Variants in WWOX observed in about 807,000 individuals in gnomAD.
WWOX encodes the protein WW domain containing oxidoreductase, also known as WW domain-containing oxidoreductase.
A neutral mutation model predicts 46.2 loss-of-function variants in WWOX; 69 were observed. That is an observed-to-expected ratio of 1.49 (90% CI 1.23 to 1.82). WWOX has a LOEUF of 1.82. Ranked by LOEUF, WWOX falls within the 40% of genes most tolerant of loss-of-function variation. WWOX has a pLI of 0.00. For synonymous variants in WWOX, 359 were observed against 202.6 expected (o/e 1.77, Z -6.56); for missense variants, 919 against 542.6 (o/e 1.69, Z -6.89).
chr16:78,664,058 A>G (rs541923223), intron 8 of WWOX, among the ~76,000 whole-genome samples: 81 of 152,292 alleles, frequency 5.3e-4, no homozygotes, highest in Non-Finnish European at 1.0e-3. Flanking sequence ...GTTTTAAAAG[A>G]CGCCATGGTT....
chr16:78,963,868 A>C (rs2046317561), intron 8 of WWOX, among the ~76,000 whole-genome samples: 1 of 152,160 alleles, frequency 6.6e-6, no homozygotes. Context: ...GGACCCAGGG[A>C]GAGGTAATTG....
chr16:78,260,748 G>A (rs964308642), intron 5 of WWOX, among the ~76,000 whole-genome samples: 1 of 150,234 alleles, frequency 6.7e-6, no homozygotes, highest in Non-Finnish European at 1.5e-5. Context: ...AACCTAGCCT[G>A]GGCAACATGG....
At chr16:79,064,661 T>G (rs1005534052) in intron 8 of WWOX, among the ~76,000 whole-genome samples, 3 of 152,186 alleles carry the variant, frequency 2.0e-5, no homozygotes, top group African/African-American at 4.8e-5. Context: ...CTCTTCGTGT[T>G]CCTGCAAGGA....
At chr16:78,273,220 A>G (rs28583037) in intron 5 of WWOX, among the ~76,000 whole-genome samples, 53,806 of 151,964 alleles carry the variant, frequency 0.35, 9,733 homozygotes, top group East Asian at 0.46. Context: ...ACCTTTAATG[A>G]TATCCTATGC....
chr16:78,886,261 G>T (rs1597106428), intron 8 of WWOX, among the ~76,000 whole-genome samples: 3 of 144,892 alleles, frequency 2.1e-5, no homozygotes, highest in Non-Finnish European at 3.0e-5. Flanking sequence ...CATACCCATT[G>T]TACACATTTG....
At chr16:78,833,144 C>T (rs935685968) in intron 8 of WWOX, among the ~76,000 whole-genome samples, 5 of 151,846 alleles carry the variant, frequency 3.3e-5, no homozygotes, top group Admixed American at 6.6e-5. Flanking sequence ...TAGGCTCAAG[C>T]GATCCTCCAG....
rs183624335 is a variant in WWOX at position 79,072,007 on chromosome 16, C to T, written c.1057-139601C>T. 2.1e-4 allele frequency among the ~76,000 whole-genome samples: 32 copies of T among 152,244 alleles called. No individual in the cohort carries two copies. The East Asian group carries it at 3.5e-3, about 17-fold the overall frequency. On this transcript the variant is annotated intron_variant, in intron 8 of 8. Transcript: ENST00000566780. ...TAGCTTAAAAATGCTTATACGCCGG[C>T]CATGGTGGCTCATGCCTGTAATCCT...
At position 78,678,575 on chromosome 16, in the gene WWOX, T is replaced by C. The variant is rs543933010; in HGVS notation, c.1056+245823T>C. Among the ~76,000 whole-genome samples, 19 of 152,276 alleles carry C rather than the reference T, an allele frequency of 1.2e-4. No homozygotes were observed. The South Asian group carries it at 3.7e-3, about 30-fold the overall frequency. ...AAGCTGAGTCCATGCCAAGATGTGA[T>C]AATTGTATAAAGAACTACAATAGGC... On this transcript the variant is annotated intron_variant, in intron 8 of 8. Transcript: ENST00000566780.
chr16:78,788,597 C>A (rs987484768), intron 8 of WWOX, among the ~76,000 whole-genome samples: 1 of 152,184 alleles, frequency 6.6e-6, no homozygotes, highest in Non-Finnish European at 1.5e-5. Context: ...AAGCTCCATG[C>A]CCCTACCCCA....
At chr16:78,427,849 C>G (rs970737833) in intron 7 of WWOX, among the ~76,000 whole-genome samples, 1 of 151,946 alleles carries the variant, frequency 6.6e-6, no homozygotes, top group African/African-American at 2.4e-5. Flanking sequence ...GCCTGTAATC[C>G]CAGCACTCAA....
intron 8 of WWOX, among the ~76,000 whole-genome samples, chr16:78,574,637 C>G (rs1006486252): frequency 6.6e-6 from 1 of 151,940 alleles, no homozygotes; most frequent in Non-Finnish European, 1.5e-5. Context: ...ATGTGAACCA[C>G]ATTTTTAAAA....
chr16:78,776,448 T>A (rs973748854), intron 8 of WWOX, among the ~76,000 whole-genome samples: 1 of 152,150 alleles, frequency 6.6e-6, no homozygotes, highest in African/African-American at 2.4e-5. Context: ...AAATGGGGAT[T>A]CCAGTGGTTA....
chr16:79,118,701 A>G (rs1003930789), intron 8 of WWOX, among the ~76,000 whole-genome samples: 12 of 152,242 alleles, frequency 7.9e-5, no homozygotes, highest in African/African-American at 2.4e-4. Context: ...GGCAACCACA[A>G]TTAACCCATG....
At chr16:78,692,804 A>G (rs1308579318) in intron 8 of WWOX, among the ~76,000 whole-genome samples, 5 of 152,342 alleles carry the variant, frequency 3.3e-5, no homozygotes, top group Non-Finnish European at 5.9e-5. Flanking sequence ...AGTTCATTTG[A>G]AGTCATTGGA....
At chr16:78,848,027 A>G (rs1406409383) in intron 8 of WWOX, among the ~76,000 whole-genome samples, 1 of 152,194 alleles carries the variant, frequency 6.6e-6, no homozygotes. Flanking sequence ...TGCCTGGCAT[A>G]TGAGTGAGGT....
intron 8 of WWOX, among the ~76,000 whole-genome samples, chr16:78,652,882 G>A (rs1292541582): frequency 6.6e-6 from 1 of 152,044 alleles, no homozygotes; most frequent in African/African-American, 2.4e-5. Context: ...ACTCCCCCTT[G>A]CCCATCACAG....
intron 8 of WWOX, among the ~76,000 whole-genome samples, chr16:78,719,321 C>A (rs1329421372): frequency 6.6e-6 from 1 of 152,224 alleles, no homozygotes; most frequent in Non-Finnish European, 1.5e-5. Flanking sequence ...CCCCATTAAC[C>A]ATCCCTGCTC....
intron 8 of WWOX, among the ~76,000 whole-genome samples, chr16:78,979,911 A>C (rs1034257035): frequency 6.6e-6 from 1 of 152,096 alleles, no homozygotes; most frequent in African/African-American, 2.4e-5. Flanking sequence ...GGTGGATCAC[A>C]AGGTCAGGAG....
At chr16:78,687,393 C>T (rs2047888054) in intron 8 of WWOX, among the ~76,000 whole-genome samples, 1 of 152,136 alleles carries the variant, frequency 6.6e-6, no homozygotes, top group East Asian at 1.9e-4. Context: ...TTCAGTGTGG[C>T]CTGAGATTGT....
Sources: allele counts gnomAD v4.1 joint callset (sites outside exome capture counted in the v4.1 genomes callset), GRCh38; gene constraint gnomAD v4.1.1; transcripts MANE v1.5; gene names NCBI Gene and HGNC (gene_info 2026-07-23, HGNC 2026-07-21).